HERC1: variants seen among roughly 807,000 people sequenced by gnomAD.
HERC1 encodes probable E3 ubiquitin-protein ligase HERC1.
Under a neutral mutation model 554.3 loss-of-function variants are expected in HERC1, and 160 were observed. The observed-to-expected ratio is 0.29, with a 90% CI of 0.25 to 0.33. The LOEUF (loss-of-function observed/expected upper bound fraction) is 0.33. Among genes scored for constraint, HERC1 ranks in the 10% least tolerant of loss-of-function variants. HERC1 has a pLI of 1.00. For missense variants in HERC1, 4,919 were observed against 5,918.5 expected, an observed-to-expected ratio of 0.83 and a Z score of 5.54; for synonymous variants, 2,175 against 2,131.7, an observed-to-expected ratio of 1.02 and a Z score of -0.56.
intron 42 of HERC1, among the ~76,000 whole-genome samples, chr15:63,665,188 TA>T (rs1412323730): frequency 1.3e-5 from 2 of 152,162 alleles, no homozygotes; most frequent in Admixed American, 6.5e-5. Context: ...TACTAGATAT[TA>T]AAAACTATAG....
At chr15:63,654,900 AAT>A (rs1454860206) in intron 50 of HERC1, among the ~76,000 whole-genome samples, 1 of 152,126 alleles carries the variant, frequency 6.6e-6, no homozygotes, top group African/African-American at 2.4e-5. Context: ...TACAACAATC[AAT>A]AGTCTTTGCT....
intron 6 of HERC1, among the ~76,000 whole-genome samples, chr15:63,754,938 T>C (rs1188531550): frequency 6.6e-6 from 1 of 152,226 alleles, no homozygotes; most frequent in Non-Finnish European, 1.5e-5. Context: ...TTGTTTTCAT[T>C]ACCCACTAGA....
At chr15:63,731,345 G>A (rs1387010437) in intron 14 of HERC1, among the ~76,000 whole-genome samples, 5 of 152,088 alleles carry the variant, frequency 3.3e-5, no homozygotes, top group African/African-American at 1.2e-4. Context: ...AACAAATTTG[G>A]TTTAAATCAC....
Position 63,636,006 on chromosome 15 carries a change from C to T in HERC1, c.12369G>A (p.Arg4123=), listed in dbSNP as rs752401247. 6.2e-7 allele frequency: 1 copy of T among 1,613,842 alleles called. No homozygotes were observed. Among genetic ancestry groups the T allele is most frequent in the Non-Finnish European group, 8.5e-7 (1 of 1,179,896 alleles). Residue 4123 remains arginine, a synonymous_variant, in exon 65 of 78, where the codon CGG becomes CGA. Transcript: ENST00000443617. ...GTAAGGCCTCGATCTGCCTGGGCCG[C>T]CGCTGCCTGTCGCTGTTCCCATGGC... The part of the protein sequence containing the change: ...KLGHGNSDRQ[R]RPRQIEALQG...
At chr15:63,761,505 T>C (rs1381252761) in intron 3 of HERC1, among the ~76,000 whole-genome samples, 1 of 151,674 alleles carries the variant, frequency 6.6e-6, no homozygotes, top group Non-Finnish European at 1.5e-5. Context: ...GAAGATCACT[T>C]GAGCCCAGGA....
rs1434805869 is a variant in HERC1, at chr15:63,713,410, T to C, written c.4406A>G (p.Glu1469Gly). ...VIDELQKRRE[E>G]GQLQQPSTSA... The stretch of plus-strand genomic sequence containing the variant: ...TGTTGAAGGTTGCTGCAACTGTCCT[T>C]CTTCTCTTCGCTTCTGAAGCTCATC... The change falls in exon 23 of 78, where the codon GAA (glutamate) becomes GGA (glycine). Residue 1469 changes from glutamate (E) to glycine (G), a missense_variant. Physicochemically the swap from Glu to Gly is moderately conservative, Grantham distance 98. This residue lies in a region of HERC1 where 1,121 missense variants were observed against 1,244.0 expected (regional missense o/e 0.90). Coordinates refer to ENST00000443617, the MANE Select transcript of HERC1 (RefSeq NM_003922.4). 1 of 1,613,874 alleles carries C rather than the reference T, an allele frequency of 6.2e-7. No individual in the cohort carries two copies. Among genetic ancestry groups the C allele is most frequent in the Non-Finnish European group, 8.5e-7 (1 of 1,179,876 alleles).
At chr15:63,681,611 C>T (rs978576885) in intron 34 of HERC1, among the ~76,000 whole-genome samples, 4 of 151,962 alleles carry the variant, frequency 2.6e-5, no homozygotes, top group South Asian at 4.2e-4. Flanking sequence ...ACTTCCCCTA[C>T]GTGATAAAGG....
Position 63,617,540 on chromosome 15 carries a change from G to C in HERC1, c.13689-858C>G, listed in dbSNP as rs2067876161. Among the ~76,000 whole-genome samples, 4 of 152,104 alleles carry C rather than the reference G, an allele frequency of 2.6e-5. No individual in the cohort carries two copies. In the South Asian group the frequency reaches 8.3e-4, roughly 32 times the overall value. ...TATATACCCAGTAATGGGATGGCTGGGTCAAATGGTATTTCTAGTTCTAGA... is the reference window on the plus strand; with the variant it reads ...TATATACCCAGTAATGGGATGGCTGCGTCAAATGGTATTTCTAGTTCTAGA... On this transcript the variant is annotated intron_variant, in intron 74 of 77. Transcript: ENST00000443617.
chr15:63,817,709 T>C (rs1465959645), intron 1 of HERC1, among the ~76,000 whole-genome samples: 1 of 152,138 alleles, frequency 6.6e-6, no homozygotes, highest in African/African-American at 2.4e-5. Flanking sequence ...AGCGAGACTC[T>C]GTCTCAAATA....
Position 63,666,406 on chromosome 15 carries a change from A to C in HERC1, c.8273T>G (p.Leu2758Arg). The C allele has an allele frequency of 6.2e-7, 1 of 1,613,852 alleles. No homozygotes were observed. Among genetic ancestry groups the C allele is most frequent in the Non-Finnish European group, 8.5e-7 (1 of 1,179,816 alleles). The part of the protein sequence containing the change: ...PPPPAIAVPL[L>R]EMGFSLRQIA... The stretch of plus-strand genomic sequence containing the variant: ...CTGCCGAAGAGAGAACCCCATTTCC[A>C]GCAAGGGAACTGCAATTGCTGGAGG... The change falls in exon 41 of 78, where the codon CTG becomes CGG. Residue 2758 changes from leucine to arginine, a missense_variant. Around this residue, in one of 11 missense-constraint regions of HERC1, gnomAD observed 1,963 missense variants for 2,228.6 expected, o/e 0.88. Coordinates refer to ENST00000443617, the MANE Select transcript of HERC1 (RefSeq NM_003922.4).
At chr15:63,761,680 G>C (rs961512122) in intron 3 of HERC1, among the ~76,000 whole-genome samples, 1 of 151,688 alleles carries the variant, frequency 6.6e-6, no homozygotes, top group Admixed American at 6.6e-5. Flanking sequence ...GCATAATTTA[G>C]AAATTAATTT....
rs760023452 is a variant in HERC1, at chr15:63,740,061, C to A, written c.2521-5212G>T. ...AAGTATCTGGGACTACAGGCATGCG[C>A]CACCAGACTCAACTAATTTTTGTAT... On this transcript the variant is annotated intron_variant, in intron 12 of 77. Transcript: ENST00000443617. 7.9e-5 allele frequency among the ~76,000 whole-genome samples: 12 copies of A among 152,206 alleles called. No individual in the cohort carries two copies. The South Asian group carries it at 2.1e-3, about 26-fold the overall frequency.
intron 77 of HERC1, among the ~76,000 whole-genome samples, chr15:63,611,394 TCAGACTC>T (rs2067581812): frequency 6.6e-6 from 1 of 152,220 alleles, no homozygotes; most frequent in Admixed American, 6.5e-5. Flanking sequence ...AGTGTGCTTT[TCAGACTC>T]TAAGCCCTCT....
chr15:63,656,892 TTTCA>T (rs2070070436), intron 48 of HERC1, among the ~76,000 whole-genome samples: 1 of 152,234 alleles, frequency 6.6e-6, no homozygotes. Flanking sequence ...AGCAGTTCGT[TTTCA>T]TTGACATATA....
chr15:63,659,003 T>G (rs2070202884), intron 47 of HERC1, among the ~76,000 whole-genome samples: 1 of 152,252 alleles, frequency 6.6e-6, no homozygotes, highest in African/African-American at 2.4e-5. Context: ...TTTGCCCATG[T>G]ATCACATCTA....
intron 12 of HERC1, among the ~76,000 whole-genome samples, chr15:63,743,221 GTC>G (rs1260124781): frequency 3.0e-5 from 4 of 135,168 alleles, no homozygotes; most frequent in African/African-American, 1.1e-4. Context: ...TTTTTCTTTT[GTC>G]TCCTCTGTGT....
chr15:63,738,556 A>T (rs1858625827), intron 12 of HERC1, among the ~76,000 whole-genome samples: 1 of 151,468 alleles, frequency 6.6e-6, no homozygotes, highest in East Asian at 1.9e-4. Context: ...TTCAAATAAA[A>T]AAATTTTTTA....
chr15:63,648,749 C>A (rs888387096), intron 54 of HERC1, among the ~76,000 whole-genome samples: 2 of 152,120 alleles, frequency 1.3e-5, no homozygotes, highest in Middle Eastern at 3.2e-3. Flanking sequence ...AGTGTGGGAA[C>A]TGAGTAGACA....
intron 34 of HERC1, among the ~76,000 whole-genome samples, chr15:63,681,191 T>C (rs1195967194): frequency 6.6e-6 from 1 of 152,108 alleles, no homozygotes; most frequent in African/African-American, 2.4e-5. Flanking sequence ...TTGTTTTGTT[T>C]TGTTTTGTTT....
Sources: gnomAD v4.1 joint callset for allele counts (sites outside exome capture counted in the v4.1 genomes callset) on GRCh38, gnomAD v4.1.1 for gene constraint, gnomAD v4.1.1 regional missense constraint, MANE v1.5 for transcripts, NCBI Gene and HGNC (gene_info 2026-07-23, HGNC 2026-07-21) for gene names.